TELO2: variants seen among roughly 807,000 people sequenced by gnomAD.
TELO2 encodes telomere length regulation protein TEL2 homolog.
A neutral mutation model predicts 91.0 loss-of-function variants in TELO2; 71 were observed. The ratio of observed to expected loss-of-function variants is 0.78; its 90% CI spans 0.64 to 0.95. The LOEUF is 0.95. Ranked by LOEUF, TELO2 falls within the 40% of genes least tolerant of loss-of-function variation. The pLI, the probability that TELO2 is intolerant of heterozygous loss-of-function variation, is 0.00. For missense variants in TELO2, 1,183 were observed against 1,141.3 expected (o/e 1.04, Z -0.53); for synonymous variants, 584 against 518.9 (o/e 1.13, Z -1.71).
In TELO2 at chr16:1,506,296, A is replaced by G. The variant is rs2039890197; in HGVS notation, c.2093A>G (p.His698Arg). 1.2e-6 allele frequency: 2 copies of G among 1,613,838 alleles called. No homozygotes were observed. The highest frequency in any genetic ancestry group is 1.7e-5 in the Admixed American group (1 of 60,008). ...AGCAGATTCAACTCCGTGGCCGGCC[A>G]CTTCTTCTTCCCCCTCCTTCAGCGC... ...SPSRFNSVAG[H>R]FFFPLLQRFD... The change falls in exon 17 of 21, where the codon CAC becomes CGC. Residue 698 changes from histidine to arginine, a missense_variant. Transcript: ENST00000262319.
chr16:1,502,688 A>C lies in TELO2; in HGVS notation c.1697A>C (p.Lys566Thr), dbSNP rs138007455. The C allele has an allele frequency of 1.6e-5, 26 of 1,612,794 alleles. No homozygotes were observed. The African/African-American group carries it at 2.8e-4, about 17-fold the overall frequency. ...AAGGTGCTTCTGCATCTGGAGGAGA[A>C]GACCTGTGTGGTGGGATTTGCAGGG... ...LAKVLLHLEE[K>T]TCVVGFAGLR... Residue 566 changes from lysine (K) to threonine (T), a missense_variant, in exon 14 of 21, where the codon AAG becomes ACG. Coordinates refer to ENST00000262319, the MANE Select transcript of TELO2 (RefSeq NM_016111.4).
chr16:1,497,428 C>G lies in TELO2; in HGVS notation c.750C>G (p.Arg250=). 6.4e-7 allele frequency: 1 copy of G among 1,559,218 alleles called. No homozygotes were observed. The highest frequency in any genetic ancestry group is 1.4e-5 in the African/African-American group (1 of 73,472). ...CCCAGGGCAGCTACCTGCACCAGCG[C>G]GTCTGCTGGCGCCTGGTGGAGCAAG... ...ALTQGSYLHQ[R]VCWRLVEQVP... is the part of the protein sequence containing the mutation. Residue 250 remains arginine, a synonymous_variant, in exon 5 of 21, where the codon CGC becomes CGG. Coordinates refer to ENST00000262319, the MANE Select transcript of TELO2 (RefSeq NM_016111.4). This position sits in a 1 kb window ranked among gnomAD's most constrained non-coding sequence, Gnocchi z 4.0.
In TELO2 at chr16:1,502,340, G is replaced by A. The variant is rs756795932; in HGVS notation, c.1589G>A (p.Arg530His). Residue 530 changes from arginine (R) to histidine (H), a missense_variant, in exon 13 of 21, where the codon CGC (arginine) becomes CAC (histidine). Arg to His is a conservative substitution (Grantham distance 29, BLOSUM62 0). Coordinates refer to ENST00000262319, the MANE Select transcript of TELO2 (RefSeq NM_016111.4). ...EALTTSEDIERWEAALRALEG... is the reference protein window; with the variant it reads ...EALTTSEDIEHWEAALRALEG... ...CTGACCACGTCTGAGGACATAGAGC[G>A]CTGGGAGGCAGCCCTGCGGGCCCTT... The A allele has an allele frequency of 6.2e-5, 99 of 1,607,024 alleles. No homozygotes were observed. In the African/African-American group the frequency reaches 7.7e-4, roughly 13 times the overall value.
chr16:1,505,707 C>G lies in TELO2; in HGVS notation c.2034+106C>G. The G allele has an allele frequency of 2.2e-6, 3 of 1,344,074 alleles. No individual in the cohort carries two copies. Among genetic ancestry groups the G allele is most frequent in the Non-Finnish European group, 3.0e-6 (3 of 997,718 alleles). The allele number at this position is 1,344,074 out of a possible 1,614,324, so 83.3% of individuals were successfully genotyped here. On this transcript the variant is annotated intron_variant, in intron 16 of 20. Coordinates refer to ENST00000262319, the MANE Select transcript of TELO2 (RefSeq NM_016111.4). The surrounding 1 kb of genome is among the most constrained non-coding windows in gnomAD (Gnocchi z 4.3). ...GTCTGCAGCGAGGGGCGGCCACATTCGCTGGGGATGGTGCCTTTGCCGGGA... is the reference window on the plus strand; with the variant it reads ...GTCTGCAGCGAGGGGCGGCCACATTGGCTGGGGATGGTGCCTTTGCCGGGA...
At chr16:1,499,711 AGGTCCCCTGAGCCCAGAGTGGGTGAGCCG>A (rs1379163845) in intron 6 of TELO2, among the ~76,000 whole-genome samples, 2 of 152,178 alleles carry the variant, frequency 1.3e-5, no homozygotes, top group Admixed American at 6.5e-5. Flanking sequence ...GGGGTGAGCC[AGGTCCCCTGAGCCCAGAGTGGGTGAGCCG>A]GGTCCCCTGA....
intron 18 of TELO2, 76 bp downstream of exon 18, chr16:1,507,127 C>T: frequency 1.3e-6 from 2 of 1,518,466 alleles, no homozygotes; most frequent in Non-Finnish European, 1.8e-6. Context: ...TCACCTGCGC[C>T]CAGGGATGGG....
chr16:1,495,451 C>A lies in TELO2; in HGVS notation c.441C>A (p.Pro147=). ...MEAQCRQQTQ[P]GFILLRETLL... is the part of the protein sequence containing the mutation. ...CGCAGTGTCGGCAGCAGACGCAGCC[C>A]GGCTTCATCCTGCTCCGGGAGACGC... is the stretch of plus-strand genomic sequence containing the variant. The change falls in exon 3 of 21, where the codon CCC becomes CCA. Residue 147 remains proline (P), a synonymous_variant. Coordinates refer to ENST00000262319, the MANE Select transcript of TELO2 (RefSeq NM_016111.4). 1.9e-6 allele frequency: 3 copies of A among 1,607,210 alleles called. No individual in the cohort carries two copies. The highest frequency in any genetic ancestry group is 1.3e-5 in the African/African-American group (1 of 74,890).
chr16:1,496,848 A>G (rs966018444), intron 3 of TELO2, among the ~76,000 whole-genome samples, 188 bp from the exon 4 acceptor site: 8 of 152,022 alleles, frequency 5.3e-5, no homozygotes, highest in Non-Finnish European at 1.0e-4. Context: ...AAGGATTGTG[A>G]TTTGCTTGTC....
rs1306378432 is a variant in TELO2, at chr16:1,493,879, G to A, written c.-37+274G>A. 6.6e-6 allele frequency among the ~76,000 whole-genome samples: 1 copy of A among 152,254 alleles called. No individual in the cohort carries two copies. The highest frequency in any genetic ancestry group is 6.5e-5 in the Admixed American group (1 of 15,292). ...GCCGGGAGGGCCGGCAGCTCCCGCG[G>A]GCCGAGTTTCCCGCCTTGGGTGCGA... On this transcript the variant is annotated intron_variant, in intron 1 of 20. Coordinates refer to ENST00000262319, the MANE Select transcript of TELO2 (RefSeq NM_016111.4). This position sits in a 1 kb window ranked among gnomAD's most constrained non-coding sequence, Gnocchi z 4.3.
Position 1,505,160 on chromosome 16 carries a change from G to T in TELO2, c.1843-250G>T. ...TGGCGGGACTGCGTGGCTTTAGGAT[G>T]AGGCTGCGCTCGGCCCTGGGCGTGT... is the stretch of plus-strand genomic sequence containing the variant. On this transcript the variant is annotated intron_variant, in intron 15 of 20. Coordinates refer to ENST00000262319, the MANE Select transcript of TELO2 (RefSeq NM_016111.4). This position sits in a 1 kb window ranked among gnomAD's most constrained non-coding sequence, Gnocchi z 4.3. The T allele has an allele frequency of 2.0e-6, 1 of 492,082 alleles. No individual in the cohort carries two copies. Among genetic ancestry groups the T allele is most frequent in the Non-Finnish European group, 3.6e-6 (1 of 274,836 alleles). 30.5% of individuals were successfully genotyped at this position (492,082 alleles called of 1,614,324 possible).
intron 6 of TELO2, 53 bp downstream of exon 6, chr16:1,499,386 T>C (rs2039598534): frequency 3.8e-6 from 6 of 1,587,260 alleles, no homozygotes; most frequent in East Asian, 2.2e-5. Flanking sequence ...ACAGCAAGAA[T>C]GGCTGCAAAA....
Position 1,497,250 on chromosome 16 carries a change from C to A in TELO2, c.683-111C>A, listed in dbSNP as rs2039524448. 2 of 1,490,250 alleles carry A rather than the reference C, an allele frequency of 1.3e-6. No individual in the cohort carries two copies. The highest frequency in any genetic ancestry group is 1.4e-5 in the African/African-American group (1 of 71,798). 92.3% of individuals were successfully genotyped at this position (1,490,250 alleles called of 1,614,324 possible). A position where few individuals can be genotyped will look rare whatever the true frequency, so the allele number is the denominator to read the frequency against. ...TGTCCTGGGCCCGTGGGATCTGGGG[C>A]TCAGCTGTGCTTACTGGGGAGCTGT... On this transcript the variant is annotated intron_variant, in intron 4 of 20. Coordinates refer to ENST00000262319, the MANE Select transcript of TELO2 (RefSeq NM_016111.4). The surrounding 1 kb of genome is among the most constrained non-coding windows in gnomAD (Gnocchi z 4.0).
chr16:1,502,381 A>G lies in TELO2; in HGVS notation c.1630A>G (p.Arg544Gly), dbSNP rs547173216. 5.8e-5 allele frequency: 93 copies of G among 1,602,396 alleles called. No homozygotes were observed. In the East Asian group the frequency reaches 2.0e-3, roughly 35 times the overall value. ...GCGGGCCCTTGAGGGCCTGGTCTAC[A>G]GGAGCCCCACAGCCACTCGGGAGGT... The part of the protein sequence containing the change: ...ALRALEGLVY[R>G]SPTATREVSV... The change falls in exon 13 of 21, where the codon AGG (arginine) becomes GGG (glycine). Residue 544 changes from arginine (R) to glycine (G), a missense_variant. By Grantham distance (125) the Arg-to-Gly change is moderately radical. Transcript: ENST00000262319.
intron 7 of TELO2, 59 bp from the exon 8 acceptor site, chr16:1,500,288 G>T (rs907372097): frequency 4.6e-6 from 7 of 1,533,950 alleles, no homozygotes; most frequent in Non-Finnish European, 6.1e-6. Context: ...GTGGCTGTGG[G>T]CCTGGCGGGG....
chr16:1,497,088 T>C lies in TELO2; in HGVS notation c.666T>C (p.Cys222=), dbSNP rs2039520161. The change falls in exon 4 of 21, where the codon TGT becomes TGC. Residue 222 remains cysteine, a synonymous_variant. Transcript: ENST00000262319. The surrounding 1 kb of genome is among the most constrained non-coding windows in gnomAD (Gnocchi z 4.0). ...SFVSQVLGKA[C]VHGRQQEILG... ...TGTCTCAGGTCCTTGGGAAAGCCTG[T>C]GTCCACGGGAGGCAGCGTGAGTAGA... 1.2e-6 allele frequency: 2 copies of C among 1,614,088 alleles called. No individual in the cohort carries two copies. Among genetic ancestry groups the C allele is most frequent in the South Asian group, 1.1e-5 (1 of 91,082 alleles).
chr16:1,499,616 G>T (rs2039605331), intron 6 of TELO2, among the ~76,000 whole-genome samples: 2 of 149,442 alleles, frequency 1.3e-5, no homozygotes, highest in South Asian at 4.3e-4. Context: ...GTGGGGTGGG[G>T]TGGGTGGGGG....
At position 1,501,462 on chromosome 16, in the gene TELO2, T is replaced by G; in HGVS notation, c.1324T>G (p.Ser442Ala). The part of the protein sequence containing the change: ...ELSLELLALA[S>A]PQPAGDGASE... ...GAGCCTCGAGCTGCTGGCCTTGGCC[T>G]CCCCCCAGCCTGCGGGTGACGGCGC... The change falls in exon 10 of 21, where the codon TCC (serine) becomes GCC (alanine). Residue 442 changes from serine (S) to alanine (A), a missense_variant. Coordinates refer to ENST00000262319, the MANE Select transcript of TELO2 (RefSeq NM_016111.4). The G allele has an allele frequency of 6.2e-7, 1 of 1,611,450 alleles. No homozygotes were observed. The highest frequency in any genetic ancestry group is 1.7e-5 in the Admixed American group (1 of 59,858).
rs768586404 is a variant in TELO2, at chr16:1,506,283, T to A, written c.2080T>A (p.Ser694Thr). Reference protein sequence around the residue: ...GPAGSPSRFNSVAGHFFFPLL... With the variant: ...GPAGSPSRFNTVAGHFFFPLL... ...GGCAGGCAGCCCCAGCAGATTCAAC[T>A]CCGTGGCCGGCCACTTCTTCTTCCC... Residue 694 changes from serine to threonine, a missense_variant, in exon 17 of 21, where the codon TCC becomes ACC. Transcript: ENST00000262319. The A allele has an allele frequency of 1.7e-5, 27 of 1,613,804 alleles. No homozygotes were observed. The highest frequency in any genetic ancestry group is 2.3e-5 in the Non-Finnish European group (27 of 1,180,008).
At chr16:1,495,763 C>T (rs2039468633) in intron 3 of TELO2, 140 bp downstream of exon 3, 2 of 1,246,822 alleles carry the variant, frequency 1.6e-6, no homozygotes, top group Non-Finnish European at 2.2e-6. Context: ...TGTCCCTGTC[C>T]CGCACAGTAG....
Sources: allele counts gnomAD v4.1 joint callset (sites outside exome capture counted in the v4.1 genomes callset), GRCh38; gene constraint gnomAD v4.1.1; non-coding constraint Gnocchi (gnomAD v3.1); transcripts MANE v1.5; gene names NCBI Gene and HGNC (gene_info 2026-07-23, HGNC 2026-07-21).